AKAP6: variants seen among roughly 807,000 people sequenced by gnomAD.
AKAP6 encodes the protein A-kinase anchor protein 6.
In AKAP6, 58 loss-of-function variants were observed where a neutral mutation model predicts 188.5. The observed-to-expected ratio is 0.31, with a 90% CI of 0.25 to 0.38. The LOEUF (loss-of-function observed/expected upper bound fraction) is 0.38, where lower values mean the gene tolerates loss of function less well. Among genes scored for constraint, AKAP6 ranks in the 10% least tolerant of loss-of-function variants. The pLI, the probability that AKAP6 is intolerant of heterozygous loss-of-function variation, is 1.00. For synonymous variants in AKAP6, 989 were observed against 998.6 expected, an observed-to-expected ratio of 0.99 and a Z score of 0.18; for missense variants, 2,710 against 2,740.0, an observed-to-expected ratio of 0.99 and a Z score of 0.24.
chr14:32,637,073 T>G (rs1387043712), intron 7 of AKAP6, among the ~76,000 whole-genome samples: 1 of 152,088 alleles, frequency 6.6e-6, no homozygotes, highest in South Asian at 2.1e-4. Context: ...ATCATCTCTA[T>G]TTATAATTTC....
chr14:32,691,843 G>A (rs1566649866), intron 8 of AKAP6, among the ~76,000 whole-genome samples: 1 of 152,128 alleles, frequency 6.6e-6, no homozygotes, highest in Non-Finnish European at 1.5e-5. Context: ...ACAGGTGTGA[G>A]CCACTGTGCC....
intron 2 of AKAP6, among the ~76,000 whole-genome samples, chr14:32,510,480 A>ATC: frequency 8.0e-6 from 1 of 125,576 alleles, no homozygotes; most frequent in Admixed American, 8.3e-5. Context: ...ATATATACAT[A>ATC]TATATATGTG....
At position 32,519,261 on chromosome 14, in the gene AKAP6, T is replaced by C. The variant is rs148384441; in HGVS notation, c.325-16293T>C. Among the ~76,000 whole-genome samples, 372 of 152,206 alleles carry C rather than the reference T, an allele frequency of 2.4e-3. 2 individuals carry two copies. The highest frequency in any genetic ancestry group is 8.6e-3 in the African/African-American group (358 of 41,536). ...AAACATGCCAAATTGTAAAGACCAT[T>C]GAGGCTAGGAAGTAACTGCATCAAC... On this transcript the variant is annotated intron_variant, in intron 2 of 13. Transcript: ENST00000280979.
Position 32,709,315 on chromosome 14 carries a change from A to ATT in AKAP6, c.3000+13215_3000+13216dup, listed in dbSNP as rs35211792. ...CTGATTGGAGCATTGGAGCACAACG[A>ATT]TTTTTTTTTTTAATCTGAAGTGAAT... On this transcript the variant is annotated intron_variant, in intron 9 of 13. Coordinates refer to ENST00000280979, the MANE Select transcript of AKAP6 (RefSeq NM_004274.5). 7.1e-3 allele frequency among the ~76,000 whole-genome samples: 1,053 copies of ATT among 148,812 alleles called. 10 individuals are homozygous for ATT. Among genetic ancestry groups the ATT allele is most frequent in the African/African-American group, 0.025 (1,004 of 40,636 alleles).
intron 11 of AKAP6, among the ~76,000 whole-genome samples, chr14:32,760,587 A>G (rs952824877): frequency 2.6e-5 from 4 of 152,226 alleles, no homozygotes; most frequent in Non-Finnish European, 5.9e-5. Context: ...GTTAGATGGC[A>G]TAAATGAAAG....
intron 11 of AKAP6, among the ~76,000 whole-genome samples, chr14:32,751,021 A>G (rs1333417906): frequency 2.0e-5 from 3 of 152,110 alleles, no homozygotes; most frequent in African/African-American, 7.2e-5. Context: ...GGCGTGAGCC[A>G]CCGCACCCAG....
At chr14:32,819,368 AG>A (rs1438877117) in intron 12 of AKAP6, among the ~76,000 whole-genome samples, 1 of 152,172 alleles carries the variant, frequency 6.6e-6, no homozygotes, top group Non-Finnish European at 1.5e-5. Flanking sequence ...AGGGCTTCTT[AG>A]GAAAGTTTGC....
intron 5 of AKAP6, among the ~76,000 whole-genome samples, chr14:32,587,883 C>T (rs1025768123): frequency 6.6e-5 from 10 of 151,902 alleles, no homozygotes; most frequent in East Asian, 3.9e-4. Context: ...AACCAGGTAA[C>T]GTGATATTAT....
In AKAP6 at chr14:32,831,152, A is replaced by C. The variant is rs1209430495; in HGVS notation, c.*1347A>C. 6.6e-6 allele frequency: 1 copy of C among 152,206 alleles called. No individual in the cohort carries two copies. The highest frequency in any genetic ancestry group is 1.5e-5 in the Non-Finnish European group (1 of 68,036). The allele number at this position is 152,206 out of a possible 1,614,324, so 9.4% of individuals were successfully genotyped here. Reference sequence around the variant, plus strand: ...ATTTATTTTGAATGAGTTTGATAGAAAGCTAGTAGAAAAGTACAGAAAATT... The same window carrying C: ...ATTTATTTTGAATGAGTTTGATAGACAGCTAGTAGAAAAGTACAGAAAATT... On this transcript the variant is annotated 3_prime_UTR_variant, in exon 14 of 14. Coordinates refer to ENST00000280979, the MANE Select transcript of AKAP6 (RefSeq NM_004274.5).
At chr14:32,711,558 C>T (rs1021058442) in intron 9 of AKAP6, among the ~76,000 whole-genome samples, 2 of 152,032 alleles carry the variant, frequency 1.3e-5, no homozygotes, top group African/African-American at 4.8e-5. Context: ...CTAATAGCTT[C>T]GCCATGATTC....
chr14:32,829,370 C>T (rs913421386), intron 13 of AKAP6, among the ~76,000 whole-genome samples: 2 of 152,060 alleles, frequency 1.3e-5, no homozygotes, highest in Non-Finnish European at 2.9e-5. Context: ...TGGAATTGTT[C>T]GATATCATGC....
intron 2 of AKAP6, among the ~76,000 whole-genome samples, chr14:32,510,492 A>ATGTATATATATACATATATATATATG (rs1350748197): frequency 2.6e-5 from 3 of 113,444 alleles, no homozygotes; most frequent in African/African-American, 1.2e-4. Context: ...ATATATGTGT[A>ATGTATATATATACATATATATATATG]TATATATATA....
chr14:32,796,407 A>G (rs1247913484), intron 12 of AKAP6, among the ~76,000 whole-genome samples: 2 of 152,174 alleles, frequency 1.3e-5, no homozygotes, highest in Non-Finnish European at 2.9e-5. Flanking sequence ...CTAAAACAGC[A>G]TGCATGGTAC....
At chr14:32,610,771 C>T (rs763233639) in intron 7 of AKAP6, among the ~76,000 whole-genome samples, 2 of 152,092 alleles carry the variant, frequency 1.3e-5, no homozygotes, top group Non-Finnish European at 2.9e-5. Flanking sequence ...TGAGGGACAT[C>T]GAAAGTGAAC....
At chr14:32,429,783 G>A (rs1332526028) in intron 1 of AKAP6, among the ~76,000 whole-genome samples, 1 of 152,224 alleles carries the variant, frequency 6.6e-6, no homozygotes, top group Non-Finnish European at 1.5e-5. Context: ...TGGAAACATA[G>A]CATCTAGTTA....
At chr14:32,566,027 A>G (rs955575468) in intron 4 of AKAP6, among the ~76,000 whole-genome samples, 1 of 152,220 alleles carries the variant, frequency 6.6e-6, no homozygotes, top group Admixed American at 6.5e-5. Flanking sequence ...ATCTACAGCA[A>G]GAGGTTCTCA....
At chr14:32,585,687 G>A (rs939965319) in intron 5 of AKAP6, among the ~76,000 whole-genome samples, 1 of 152,170 alleles carries the variant, frequency 6.6e-6, no homozygotes, top group South Asian at 2.1e-4. Context: ...TAAACTTCTT[G>A]TAGGATAAGC....
intron 7 of AKAP6, among the ~76,000 whole-genome samples, chr14:32,612,007 G>A (rs1218640781): frequency 6.6e-6 from 1 of 152,146 alleles, no homozygotes; most frequent in Non-Finnish European, 1.5e-5. Context: ...AGTCAGTGGA[G>A]CAATTATTTG....
In AKAP6 at chr14:32,710,157, A is replaced by T. The variant is rs554368569; in HGVS notation, c.3000+14047A>T. 2.6e-5 allele frequency among the ~76,000 whole-genome samples: 4 copies of T among 150,974 alleles called. No individual in the cohort carries two copies. The South Asian group carries it at 8.4e-4, about 32-fold the overall frequency. On this transcript the variant is annotated intron_variant, in intron 9 of 13. Coordinates refer to ENST00000280979, the MANE Select transcript of AKAP6 (RefSeq NM_004274.5). ...TGACTTACAGTATATGCCTTTAAAA[A>T]AATTTAAAAAGAAAAAGAACATGAC...
Sources: allele counts gnomAD v4.1 joint callset (sites outside exome capture counted in the v4.1 genomes callset), GRCh38; gene constraint gnomAD v4.1.1; transcripts MANE v1.5; gene names NCBI Gene and HGNC (gene_info 2026-07-23, HGNC 2026-07-21).